The following PRDM16 variants were observed in gnomAD, a reference collection of about 807,000 sequenced individuals.
PRDM16 encodes the protein histone-lysine N-methyltransferase PRDM16.
In PRDM16, 23 loss-of-function variants were observed where a neutral mutation model predicts 110.6. That is an observed-to-expected ratio of 0.21 (90% confidence interval 0.15 to 0.29). The LOEUF is 0.29. Ranked by LOEUF, PRDM16 falls within the 10% of genes least tolerant of loss-of-function variation. The pLI, the probability that PRDM16 is intolerant of heterozygous loss-of-function variation, is 1.00. For missense variants in PRDM16, 1,615 were observed against 1,794.3 expected, an observed-to-expected ratio of 0.90 and a Z score of 1.81; for synonymous variants, 799 against 781.8, an observed-to-expected ratio of 1.02 and a Z score of -0.37.
At chr1:3,328,559 C>T (rs1030800403) in intron 3 of PRDM16, among the ~76,000 whole-genome samples, 27 of 152,240 alleles carry the variant, frequency 1.8e-4, no homozygotes, top group South Asian at 8.3e-4. Context: ...TGCTGCCAGC[C>T]GAGGGGTCCT....
intron 3 of PRDM16, among the ~76,000 whole-genome samples, chr1:3,313,889 C>T (rs909583295): frequency 5.3e-5 from 8 of 152,248 alleles, no homozygotes; most frequent in Non-Finnish European, 1.2e-4. Context: ...TTAATAGGAG[C>T]GAATGTGAAC....
At chr1:3,123,067 G>A (rs1029385864) in intron 1 of PRDM16, among the ~76,000 whole-genome samples, 6 of 152,206 alleles carry the variant, frequency 3.9e-5, no homozygotes, top group Non-Finnish European at 8.8e-5. Flanking sequence ...AGTGTTCTTC[G>A]GTGTAAAGTG....
chr1:3,371,905 A>C (rs572573983), intron 3 of PRDM16, among the ~76,000 whole-genome samples: 2 of 152,248 alleles, frequency 1.3e-5, no homozygotes, highest in Admixed American at 6.5e-5. Context: ...TGGGGGAGAC[A>C]TGAGCATCCA....
intron 1 of PRDM16, among the ~76,000 whole-genome samples, chr1:3,095,387 C>T (rs1570241317): frequency 7.6e-6 from 1 of 131,792 alleles, no homozygotes; most frequent in African/African-American, 4.5e-5. Flanking sequence ...GTCATGGGCT[C>T]AGACCTACCC....
intron 1 of PRDM16, among the ~76,000 whole-genome samples, chr1:3,078,053 T>G (rs1289955722): frequency 6.6e-6 from 1 of 152,140 alleles, no homozygotes; most frequent in Admixed American, 6.5e-5. Context: ...GCCTCTGTCC[T>G]GGGGTGGAAA....
intron 3 of PRDM16, among the ~76,000 whole-genome samples, chr1:3,276,879 G>T (rs1034582473): frequency 6.6e-6 from 1 of 152,196 alleles, no homozygotes; most frequent in Non-Finnish European, 1.5e-5. Flanking sequence ...GAGCCCTAAA[G>T]GGGGCTGGGC....
chr1:3,432,674 T>C (rs1638800269), intron 16 of PRDM16, among the ~76,000 whole-genome samples: 1 of 152,190 alleles, frequency 6.6e-6, no homozygotes, highest in Non-Finnish European at 1.5e-5. Context: ...CTGTAGGGAC[T>C]CAGGGTCTCA....
rs1385101460 is a variant in PRDM16, at chr1:3,181,145, CACACGCAGTCTT to C, written c.38-4973_38-4962del. ...ACACGCAGTCTTACACGCGGTCTTA[CACACGCAGTCTT>C]ACACGCGGTCTTACGGTCTTACACA... On this transcript the variant is annotated intron_variant, in intron 1 of 16. Coordinates refer to ENST00000270722, the MANE Select transcript of PRDM16 (RefSeq NM_022114.4). Among the ~76,000 whole-genome samples the C allele has an allele frequency of 8.8e-5, 13 of 147,808 alleles. 1 individual carries two copies. The highest frequency in any genetic ancestry group is 4.5e-4 in the East Asian group (2 of 4,476).
At chr1:3,135,938 G>A (rs1458592909) in intron 1 of PRDM16, among the ~76,000 whole-genome samples, 4 of 151,894 alleles carry the variant, frequency 2.6e-5, no homozygotes, top group Non-Finnish European at 5.9e-5. Flanking sequence ...GCCTCTTGGC[G>A]GCCTGGGCGC....
rs909808817 is a variant in PRDM16, at chr1:3,425,804, CAG to C, written c.3109+57_3109+58del. The C allele has an allele frequency of 7.5e-6, 12 of 1,600,310 alleles. No homozygotes were observed. The African/African-American group carries it at 1.6e-4, about 21-fold the overall frequency. On this transcript the variant is annotated intron_variant, in intron 13 of 16. Coordinates refer to ENST00000270722, the MANE Select transcript of PRDM16 (RefSeq NM_022114.4). This position sits in a 1 kb window ranked among gnomAD's most constrained non-coding sequence, Gnocchi z 6.9. ...AGAGCACCCACACGGGCAGGCCCCA[CAG>C]AGGGGGAGGGGGAACAGCAGGGGAG...
intron 2 of PRDM16, among the ~76,000 whole-genome samples, chr1:3,199,708 G>T (rs989584167): frequency 8.5e-5 from 13 of 152,210 alleles, no homozygotes; most frequent in Admixed American, 4.6e-4. Context: ...GCTGAGAAGC[G>T]CAAGTCTTGC....
At chr1:3,237,460 G>A (rs536846565) in intron 2 of PRDM16, among the ~76,000 whole-genome samples, 4 of 152,296 alleles carry the variant, frequency 2.6e-5, no homozygotes, top group African/African-American at 9.6e-5. Flanking sequence ...AAGGCAGGGT[G>A]GGTCCTACCC....
intron 3 of PRDM16, among the ~76,000 whole-genome samples, chr1:3,295,491 G>C (rs1313417285): frequency 6.6e-6 from 1 of 152,150 alleles, no homozygotes; most frequent in Non-Finnish European, 1.5e-5. Flanking sequence ...GCGTGTGGGG[G>C]CTGGGAAGAG....
At chr1:3,360,019 C>T (rs763786461) in intron 3 of PRDM16, among the ~76,000 whole-genome samples, 9 of 152,104 alleles carry the variant, frequency 5.9e-5, no homozygotes, top group Non-Finnish European at 1.0e-4. Flanking sequence ...TAACTCCATG[C>T]GTTCCCGTTA....
At chr1:3,242,148 G>C (rs182503685) in intron 2 of PRDM16, among the ~76,000 whole-genome samples, 127 of 152,340 alleles carry the variant, frequency 8.3e-4, no homozygotes, top group African/African-American at 2.6e-3. Flanking sequence ...GGGTGGGTAC[G>C]TGGGTTTGTG....
rs1638798081 is a variant in PRDM16, at chr1:3,208,212, C to T, written c.387+21738C>T. The T allele has an allele frequency of 6.6e-6, 1 of 152,220 alleles. No individual in the cohort carries two copies. Among genetic ancestry groups the T allele is most frequent in the South Asian group, 2.1e-4 (1 of 4,828 alleles). The allele number at this position is 152,220 out of a possible 1,614,324, so 9.4% of individuals were successfully genotyped here. ...AGCCTCACGGGGCTCCAGATGGAGC[C>T]TCCCTGACAAGGGGACCTCTTCTTC... On this transcript the variant is annotated intron_variant, in intron 2 of 16. Transcript: ENST00000270722. The surrounding 1 kb of genome is among the most constrained non-coding windows in gnomAD (Gnocchi z 6.1).
At position 3,157,025 on chromosome 1, in the gene PRDM16, G is replaced by T. The variant is rs1643864545; in HGVS notation, c.38-29100G>T. Among the ~76,000 whole-genome samples the T allele has an allele frequency of 2.0e-5, 3 of 152,208 alleles. No individual in the cohort carries two copies. Among genetic ancestry groups the T allele is most frequent in the Non-Finnish European group, 2.9e-5 (2 of 68,046 alleles). ...TAAGCCAGTGAGTGTCTGGTTAGAG[G>T]CTGGGCTGGGGCTGAGCACGAGGGC... On this transcript the variant is annotated intron_variant, in intron 1 of 16. Coordinates refer to ENST00000270722, the MANE Select transcript of PRDM16 (RefSeq NM_022114.4). The surrounding 1 kb of genome is among the most constrained non-coding windows in gnomAD (Gnocchi z 4.8).
chr1:3,329,136 G>A (rs1165344160), intron 3 of PRDM16, among the ~76,000 whole-genome samples: 1 of 152,232 alleles, frequency 6.6e-6, no homozygotes, highest in Non-Finnish European at 1.5e-5. Flanking sequence ...ACTGCCCAGG[G>A]AAGGCACCAA....
At chr1:3,278,422 G>A (rs1214041701) in intron 3 of PRDM16, among the ~76,000 whole-genome samples, 1 of 152,230 alleles carries the variant, frequency 6.6e-6, no homozygotes, top group Non-Finnish European at 1.5e-5. Flanking sequence ...GGGGCAGCCT[G>A]CAGAGTGTGG....
Sources: allele counts gnomAD v4.1 joint callset (sites outside exome capture counted in the v4.1 genomes callset), GRCh38; gene constraint gnomAD v4.1.1; non-coding constraint Gnocchi (gnomAD v3.1); transcripts MANE v1.5; gene names NCBI Gene and HGNC (gene_info 2026-07-23, HGNC 2026-07-21).